DRD3: variants seen among roughly 807,000 people sequenced by gnomAD.
DRD3 encodes dopamine receptor D3.
In DRD3, 19 loss-of-function variants were observed where a neutral mutation model predicts 36.3. The observed-to-expected ratio is 0.52, with a 90% CI of 0.36 to 0.77. The LOEUF (loss-of-function observed/expected upper bound fraction) is 0.77, where lower values mean the gene tolerates loss of function less well. Among genes scored for constraint, DRD3 ranks in the 30% least tolerant of loss-of-function variants. The pLI is 0.00. For missense variants in DRD3, 465 were observed against 505.3 expected (o/e 0.92, Z 0.77); for synonymous variants, 195 against 203.7 (o/e 0.96, Z 0.36).
At chr3:114,139,399 C>T (rs1363383943) in intron 5 of DRD3, 101 bp downstream of exon 5, 2 of 1,187,782 alleles carry the variant, frequency 1.7e-6, no homozygotes, top group African/African-American at 3.0e-5. Context: ...AGATTTGTGT[C>T]TCCAATTTAG....
chr3:114,174,311 C>A (rs779600663), intron 1 of DRD3, among the ~76,000 whole-genome samples: 2 of 152,084 alleles, frequency 1.3e-5, no homozygotes, highest in Non-Finnish European at 2.9e-5. Flanking sequence ...ACACAGTGGC[C>A]AGAATCCCTC....
intron 3 of DRD3, among the ~76,000 whole-genome samples, chr3:114,151,844 T>C (rs2077621007): frequency 6.6e-6 from 1 of 152,230 alleles, no homozygotes; most frequent in Admixed American, 6.5e-5. Flanking sequence ...CTCTGAGTTC[T>C]TGTGGGGGAC....
rs528665196 is a variant in DRD3, at chr3:114,177,333, G to T, written c.-36+1324C>A. Among the ~76,000 whole-genome samples the T allele has an allele frequency of 1.5e-4, 23 of 152,026 alleles. 1 individual carries two copies. In the South Asian group the frequency reaches 4.8e-3, roughly 32 times the overall value. ...AATACATAGCATATTTATGTATTTG[G>T]GCACATTTACATTGTTGGTAAATGT... is the stretch of plus-strand genomic sequence containing the variant. On this transcript the variant is annotated intron_variant, in intron 1 of 6. Transcript: ENST00000383673.
chr3:114,198,553 T>G (rs913305700), intron 1 of DRD3, among the ~76,000 whole-genome samples: 49 of 152,312 alleles, frequency 3.2e-4, no homozygotes, highest in African/African-American at 1.1e-3. Context: ...GGATTTTTTT[T>G]GGGTAGATTT....
At chr3:114,173,731 G>C (rs1442302193) in intron 1 of DRD3, among the ~76,000 whole-genome samples, 3 of 152,188 alleles carry the variant, frequency 2.0e-5, no homozygotes, top group Non-Finnish European at 4.4e-5. Flanking sequence ...TTGTTACGAA[G>C]GTGTATTTGT....
At chr3:114,131,094 C>T (rs1160222063) in intron 6 of DRD3, 24 bp downstream of exon 6, 1 of 1,606,340 alleles carries the variant, frequency 6.2e-7, no homozygotes, top group Non-Finnish European at 8.5e-7. Context: ...CAACCCAACA[C>T]AGCTCAAGCC....
intron 2 of DRD3, among the ~76,000 whole-genome samples, chr3:114,162,952 C>G (rs2077747546): frequency 6.6e-6 from 1 of 152,198 alleles, no homozygotes; most frequent in Non-Finnish European, 1.5e-5. Context: ...GTGGTAAGTG[C>G]TGCCTTTGGG....
intron 1 of DRD3, chr3:114,176,325 TG>T (rs1412480975): frequency 2.0e-5 from 3 of 152,170 alleles, no homozygotes; most frequent in African/African-American, 2.4e-5. Flanking sequence ...CAGCCCTGCT[TG>T]GGGGCTCATT....
In DRD3 at chr3:114,139,657, A is replaced by G; in HGVS notation, c.566T>C (p.Val189Ala). 6.2e-7 allele frequency: 1 copy of G among 1,614,198 alleles called. No individual in the cohort carries two copies. Among genetic ancestry groups the G allele is most frequent in the Non-Finnish European group, 8.5e-7 (1 of 1,180,018 alleles). ...GAAGGACACCACTGAAGAGTAGATG[A>G]CAAAATCAGGGTTGGAGATGGAGCA... ...TVCSISNPDF[V>A]IYSSVVSFYL... is the part of the protein sequence containing the mutation. Residue 189 changes from valine to alanine, a missense_variant, in exon 5 of 7, where the codon GTC becomes GCC. By Grantham distance (64) the Val-to-Ala change is moderately conservative. Coordinates refer to ENST00000383673, the MANE Select transcript of DRD3 (RefSeq NM_000796.6).
intron 2 of DRD3, among the ~76,000 whole-genome samples, chr3:114,163,767 C>T (rs1457792050): frequency 6.6e-6 from 1 of 152,036 alleles, no homozygotes; most frequent in Non-Finnish European, 1.5e-5. Flanking sequence ...CAATGTGTGC[C>T]TATTACCAGA....
chr3:114,169,693 T>C (rs1349127100), intron 2 of DRD3, among the ~76,000 whole-genome samples: 3 of 152,134 alleles, frequency 2.0e-5, no homozygotes, highest in Non-Finnish European at 2.9e-5. Flanking sequence ...TCATTTTCTA[T>C]AGTCTCACCT....
At position 114,171,734 on chromosome 3, in the gene DRD3, C is replaced by T; in HGVS notation, c.259G>A (p.Val87Ile). The change falls in exon 2 of 7, where the codon GTA (valine) becomes ATA (isoleucine). Residue 87 changes from valine (V) to isoleucine (I), a missense_variant. Transcript: ENST00000383673. The part of the protein sequence containing the change: ...LVATLVMPWV[V>I]YLEVTGGVWN... ...TGAAGTCTACTCACCTCCAGGTATACCACCCAGGGCATCACCAAGGTGGCC... is the reference window on the plus strand; with the variant it reads ...TGAAGTCTACTCACCTCCAGGTATATCACCCAGGGCATCACCAAGGTGGCC... The T allele has an allele frequency of 1.9e-6, 3 of 1,603,380 alleles. No individual in the cohort carries two copies. The highest frequency in any genetic ancestry group is 2.6e-6 in the Non-Finnish European group (3 of 1,174,458).
chr3:114,132,954 T>C (rs2077443890), intron 5 of DRD3, among the ~76,000 whole-genome samples: 1 of 152,098 alleles, frequency 6.6e-6, no homozygotes, highest in Non-Finnish European at 1.5e-5. Flanking sequence ...TTTAGTGTGA[T>C]GTGGTATTGT....
At chr3:114,158,888 G>C (rs1577605914) in intron 3 of DRD3, among the ~76,000 whole-genome samples, 1 of 152,162 alleles carries the variant, frequency 6.6e-6, no homozygotes, top group African/African-American at 2.4e-5. Flanking sequence ...GCAGGAATGG[G>C]AGGAGGCTTT....
At chr3:114,162,294 T>C (rs1328517040) in intron 2 of DRD3, among the ~76,000 whole-genome samples, 1 of 152,210 alleles carries the variant, frequency 6.6e-6, no homozygotes, top group Non-Finnish European at 1.5e-5. Context: ...TTCTATAACT[T>C]TGAAACTTCA....
intron 1 of DRD3, among the ~76,000 whole-genome samples, chr3:114,194,117 T>C (rs2078025142): frequency 6.6e-6 from 1 of 152,232 alleles, no homozygotes. Flanking sequence ...TGGCATATCC[T>C]AAATGATATC....
At chr3:114,135,087 C>T (rs1409731746) in intron 5 of DRD3, among the ~76,000 whole-genome samples, 1 of 152,182 alleles carries the variant, frequency 6.6e-6, no homozygotes, top group Non-Finnish European at 1.5e-5. Flanking sequence ...CCTCCCCCAT[C>T]TCCTTCCTAG....
intron 5 of DRD3, among the ~76,000 whole-genome samples, chr3:114,137,989 C>A (rs182094729): frequency 0.01 from 1,166 of 112,116 alleles, 18 homozygotes; most frequent in African/African-American, 0.037. Context: ...CAGAGCGAGA[C>A]TCCGTCTCAA....
intron 4 of DRD3, among the ~76,000 whole-genome samples, chr3:114,140,715 T>G (rs1577587177): frequency 6.6e-6 from 1 of 152,202 alleles, no homozygotes; most frequent in Non-Finnish European, 1.5e-5. Flanking sequence ...GTTCTTTCTA[T>G]AATTTTAACT....
Sources: allele counts gnomAD v4.1 joint callset (sites outside exome capture counted in the v4.1 genomes callset), GRCh38; gene constraint gnomAD v4.1.1; transcripts MANE v1.5; gene names NCBI Gene and HGNC (gene_info 2026-07-23, HGNC 2026-07-21).